AGTPBP1: variants seen among roughly 807,000 people sequenced by gnomAD.
AGTPBP1 encodes ATP/GTP binding carboxypeptidase 1, also known as cytosolic carboxypeptidase 1.
AGTPBP1 carries 70 observed loss-of-function variants against 143.9 expected under a neutral mutation model. The observed-to-expected ratio is 0.49, with a 90% CI of 0.40 to 0.59. The LOEUF is 0.59. Among genes scored for constraint, AGTPBP1 ranks in the 20% least tolerant of loss-of-function variants. The probability of loss-of-function intolerance (pLI) is 0.00; values close to 1 mark genes in which losing one functional copy is unlikely to be tolerated. For missense variants in AGTPBP1, 1,229 were observed against 1,464.5 expected, an observed-to-expected ratio of 0.84 and a Z score of 2.62; for synonymous variants, 463 against 500.2, an observed-to-expected ratio of 0.93 and a Z score of 0.99.
rs187561044 is a variant in AGTPBP1, at chr9:85,550,631, G to A, written c.3504-3345C>T. 1.6e-3 allele frequency among the ~76,000 whole-genome samples: 239 copies of A among 152,106 alleles called. 2 individuals are homozygous for A. Among genetic ancestry groups the A allele is most frequent in the Admixed American group, 3.1e-3 (48 of 15,276 alleles). On this transcript the variant is annotated intron_variant, in intron 25 of 25. Coordinates refer to ENST00000357081, the MANE Select transcript of AGTPBP1 (RefSeq NM_001330701.2). ...GCCCCAACTTCTCCATGGAACTTCC[G>A]TACATGCATGGACTTGCCAGATATA...
intron 8 of AGTPBP1, among the ~76,000 whole-genome samples, chr9:85,668,016 G>C (rs1249061942): frequency 6.7e-6 from 1 of 150,360 alleles, no homozygotes; most frequent in African/African-American, 2.4e-5. Context: ...AAAGAGAAAA[G>C]ATCTGTAATT....
chr9:85,740,739 CCTTT>C (rs1156311331), intron 1 of AGTPBP1, among the ~76,000 whole-genome samples: 1 of 152,178 alleles, frequency 6.6e-6, no homozygotes, highest in African/African-American at 2.4e-5. Context: ...CTGTTAAGGT[CCTTT>C]CTAACTACAA....
At chr9:85,702,480 C>T (rs1316689295) in intron 2 of AGTPBP1, among the ~76,000 whole-genome samples, 2 of 151,882 alleles carry the variant, frequency 1.3e-5, no homozygotes, top group Non-Finnish European at 2.9e-5. Context: ...GTTCACATTT[C>T]ATCTCTTCCT....
At chr9:85,760,730 C>T in the AGTPBP1 span, among the ~76,000 whole-genome samples, 1 of 152,312 alleles carries the variant, frequency 6.6e-6, no homozygotes, top group Non-Finnish European at 1.5e-5. Context: ...TGCCCTCTCT[C>T]ACCACTCCTA....
Position 85,546,582 on chromosome 9 carries a change from T to G in AGTPBP1, c.*527A>C, listed in dbSNP as rs1319473106. The stretch of plus-strand genomic sequence containing the variant: ...TTTTATTTGTTTAATTTGGTAAATG[T>G]AGAATGTAATGGTTTCAAGGCAAAC... On this transcript the variant is annotated 3_prime_UTR_variant, in exon 26 of 26. Transcript: ENST00000357081. 2 of 152,264 alleles carry G rather than the reference T, an allele frequency of 1.3e-5. No individual in the cohort carries two copies. The highest frequency in any genetic ancestry group is 2.9e-5 in the Non-Finnish European group (2 of 68,068). The allele number at this position is 152,264 out of a possible 1,614,324, so 9.4% of individuals were successfully genotyped here.
intron 18 of AGTPBP1, 28 bp from the exon 19 acceptor site, chr9:85,592,732 C>A: frequency 6.3e-7 from 1 of 1,596,364 alleles, no homozygotes; most frequent in South Asian, 1.2e-5. Context: ...AAAACATGTT[C>A]ATTTCATCCA....
intron 6 of AGTPBP1, among the ~76,000 whole-genome samples, chr9:85,676,806 A>C (rs950601623): frequency 6.6e-6 from 1 of 152,254 alleles, no homozygotes; most frequent in Non-Finnish European, 1.5e-5. Flanking sequence ...TCAGTGAATG[A>C]ATATATAAAG....
At chr9:85,567,966 A>G (rs1368802759) in intron 25 of AGTPBP1, among the ~76,000 whole-genome samples, 1 of 152,208 alleles carries the variant, frequency 6.6e-6, no homozygotes, top group East Asian at 1.9e-4. Flanking sequence ...AAATAAGTCT[A>G]CTCCTAAACA....
intron 13 of AGTPBP1, among the ~76,000 whole-genome samples, chr9:85,642,256 C>G (rs940146875): frequency 6.6e-6 from 1 of 152,046 alleles, no homozygotes; most frequent in African/African-American, 2.4e-5. Flanking sequence ...CTCTGTAATC[C>G]AGGCTGAATA....
chr9:85,628,502 A>G (rs1471842944), intron 14 of AGTPBP1, among the ~76,000 whole-genome samples: 2 of 152,176 alleles, frequency 1.3e-5, no homozygotes, highest in Non-Finnish European at 2.9e-5. Flanking sequence ...TTTATGACTT[A>G]TTTCTGCAGC....
chr9:85,792,801 C>A, the AGTPBP1 span, among the ~76,000 whole-genome samples: 5 of 151,820 alleles, frequency 3.3e-5, no homozygotes, highest in Non-Finnish European at 7.4e-5. Context: ...AATGAAAGCA[C>A]TTTGAAAATT....
intron 11 of AGTPBP1, among the ~76,000 whole-genome samples, chr9:85,653,010 G>C (rs1285422626): frequency 1.3e-5 from 2 of 152,192 alleles, no homozygotes; most frequent in Non-Finnish European, 2.9e-5. Flanking sequence ...GAAATGCTGT[G>C]AGTAAAAGAG....
intron 14 of AGTPBP1, 137 bp downstream of exon 14, chr9:85,632,525 C>T (rs983621073): frequency 1.3e-6 from 1 of 781,290 alleles, no homozygotes; most frequent in Non-Finnish European, 1.9e-6. Flanking sequence ...GGCAAAATTT[C>T]CAAAGCAGAA....
the AGTPBP1 span, among the ~76,000 whole-genome samples, chr9:85,763,133 A>T: frequency 1.9e-4 from 29 of 152,060 alleles, no homozygotes; most frequent in Admixed American, 1.4e-3. Context: ...CAAACTCTCA[A>T]TCAAATGTGA....
intron 1 of AGTPBP1, among the ~76,000 whole-genome samples, chr9:85,731,416 GT>G (rs537233806): frequency 0.01 from 1,516 of 148,722 alleles, 10 homozygotes; most frequent in Non-Finnish European, 0.014. Flanking sequence ...GTTTGGCAGG[GT>G]TTTTTTTTTC....
the AGTPBP1 span, among the ~76,000 whole-genome samples, chr9:85,799,563 C>A: frequency 6.6e-6 from 1 of 152,196 alleles, no homozygotes; most frequent in Non-Finnish European, 1.5e-5. Context: ...GTTAACCAGA[C>A]TGGAGTACAG....
the AGTPBP1 span, among the ~76,000 whole-genome samples, chr9:85,799,445 G>A: frequency 6.6e-6 from 1 of 152,136 alleles, no homozygotes; most frequent in Admixed American, 6.5e-5. Context: ...ACACAGGCAG[G>A]AGGATCATTT....
chr9:85,550,788 ACAAG>A (rs1417889403), intron 25 of AGTPBP1, among the ~76,000 whole-genome samples: 1 of 152,146 alleles, frequency 6.6e-6, no homozygotes, highest in Non-Finnish European at 1.5e-5. Context: ...AAAGTTCGCT[ACAAG>A]CAAGTCCTGC....
At chr9:85,766,208 A>G in the AGTPBP1 span, among the ~76,000 whole-genome samples, 1 of 152,190 alleles carries the variant, frequency 6.6e-6, no homozygotes, top group Non-Finnish European at 1.5e-5. Context: ...AAATATAAGA[A>G]AACTGTAAAC....
Sources: allele counts gnomAD v4.1 joint callset (sites outside exome capture counted in the v4.1 genomes callset), GRCh38; gene constraint gnomAD v4.1.1; transcripts MANE v1.5; gene names NCBI Gene and HGNC (gene_info 2026-07-23, HGNC 2026-07-21).